The following NEK5 variants were observed in gnomAD, a reference collection of about 807,000 sequenced individuals.
NEK5 encodes the protein NIMA related kinase 5.
NEK5 carries 88 observed loss-of-function variants against 109.2 expected under a neutral mutation model. That is an observed-to-expected ratio of 0.81 (90% CI 0.68 to 0.96). The LOEUF (loss-of-function observed/expected upper bound fraction) is 0.96, where lower values mean the gene tolerates loss of function less well. Among genes scored for constraint, NEK5 ranks in the 40% least tolerant of loss-of-function variants. The pLI, the probability that NEK5 is intolerant of heterozygous loss-of-function variation, is 0.00. For missense variants in NEK5, 834 were observed against 920.7 expected (o/e 0.91, Z 1.22); for synonymous variants, 283 against 299.9 (o/e 0.94, Z 0.58).
At chr13:52,082,176 G>A (rs750901012) in intron 17 of NEK5, 70 of 253,058 alleles carry the variant, frequency 2.8e-4, no homozygotes, top group Non-Finnish European at 5.2e-4. Context: ...TTAGCTGGGC[G>A]CGGTGGCAGG....
rs1956091747 is a variant in NEK5 at position 52,127,632 on chromosome 13, G to C, written c.-60C>G. The C allele has an allele frequency of 1.7e-6, 1 of 594,762 alleles. No individual in the cohort carries two copies. The allele number at this position is 594,762 out of a possible 1,614,324, so 36.8% of individuals were successfully genotyped here. ...TTCCTCCCAGCCTTGCCAAGACAGA[G>C]ACAAATAACTTTCTTTGTGGCCACA... is the stretch of plus-strand genomic sequence containing the variant. On this transcript the variant is annotated 5_prime_UTR_variant, in exon 2 of 24. Coordinates refer to ENST00000684899, the MANE Select transcript of NEK5 (RefSeq NM_001365552.1).
intron 23 of NEK5, among the ~76,000 whole-genome samples, chr13:52,046,009 T>C (rs886275490): frequency 6.9e-6 from 1 of 145,104 alleles, no homozygotes; most frequent in Non-Finnish European, 1.5e-5. Flanking sequence ...AGGTGGAGGT[T>C]GCAGTGAGCC....
chr13:52,048,720 G>A (rs1954478806), intron 23 of NEK5, among the ~76,000 whole-genome samples: 3 of 152,196 alleles, frequency 2.0e-5, no homozygotes, highest in South Asian at 2.1e-4. Flanking sequence ...AAATAAGCCA[G>A]ACACAGAAAG....
intron 22 of NEK5, among the ~76,000 whole-genome samples, chr13:52,058,145 T>C (rs1217117953): frequency 7.0e-6 from 1 of 142,394 alleles, no homozygotes; most frequent in Admixed American, 7.2e-5. Context: ...ACAAGCATTC[T>C]TATACACCAA....
At chr13:52,054,592 C>T (rs1954536358) in intron 22 of NEK5, among the ~76,000 whole-genome samples, 1 of 152,224 alleles carries the variant, frequency 6.6e-6, no homozygotes, top group Non-Finnish European at 1.5e-5. Context: ...CAGCACGCAG[C>T]TGGAGATCTG....
chr13:52,097,927 C>T (rs1158997798), intron 12 of NEK5, among the ~76,000 whole-genome samples: 1 of 152,096 alleles, frequency 6.6e-6, no homozygotes, highest in East Asian at 1.9e-4. Flanking sequence ...GGACAGATTT[C>T]CCTCTTACTG....
intron 4 of NEK5, among the ~76,000 whole-genome samples, chr13:52,117,992 C>A (rs1955895308): frequency 6.6e-6 from 1 of 152,150 alleles, no homozygotes. Context: ...TTCCATGCAA[C>A]CCAATTCCAG....
chr13:52,116,481 T>C (rs1365292113), intron 4 of NEK5, among the ~76,000 whole-genome samples: 1 of 152,136 alleles, frequency 6.6e-6, no homozygotes, highest in East Asian at 1.9e-4. Context: ...TGAGCCATGA[T>C]CCAATTAACC....
chr13:52,123,786 G>A (rs2138139895), intron 3 of NEK5, among the ~76,000 whole-genome samples: 1 of 149,432 alleles, frequency 6.7e-6, no homozygotes, highest in Non-Finnish European at 1.5e-5. Context: ...TTACAGAGAA[G>A]GATAAATTCT....
chr13:52,125,105 T>C (rs765937029), intron 3 of NEK5, among the ~76,000 whole-genome samples: 3 of 152,196 alleles, frequency 2.0e-5, no homozygotes, highest in Non-Finnish European at 2.9e-5. Context: ...CAAGGAAGAA[T>C]CACTATTAAT....
rs747233755 is a variant in NEK5, at chr13:52,065,587, A to C, written c.1872T>G (p.Ala624=). ...CCCACTGCCTCCTGTTTCCCACAGCAGCTACAGTCTGCGTGGAAAACCCTG... is the reference window on the plus strand; with the variant it reads ...CCCACTGCCTCCTGTTTCCCACAGCCGCTACAGTCTGCGTGGAAAACCCTG... ...PEAGFSTQTV[A]AVGNRRQWDG... The change falls in exon 21 of 24, where the codon GCT becomes GCG. Residue 624 remains alanine (A), a synonymous_variant. Transcript: ENST00000684899. 4 of 1,613,668 alleles carry C rather than the reference A, an allele frequency of 2.5e-6. No homozygotes were observed. Among genetic ancestry groups the C allele is most frequent in the Middle Eastern group, 1.7e-4 (1 of 6,046 alleles).
At position 52,127,535 on chromosome 13, in the gene NEK5, C is replaced by T. The variant is rs938907492; in HGVS notation, c.-22-31G>A. On this transcript the variant is annotated intron_variant, in intron 2 of 23. Transcript: ENST00000684899. ...ATTAGAGTAATGTAAATTTATCACA[C>T]ACGTCTCATAAAGACTAACAAAGTC... 1.7e-5 allele frequency: 17 copies of T among 976,242 alleles called. No homozygotes were observed. The African/African-American group carries it at 2.7e-4, about 16-fold the overall frequency. The allele number at this position is 976,242 out of a possible 1,614,324, so 60.5% of individuals were successfully genotyped here. A position where few individuals can be genotyped will look rare whatever the true frequency, so the allele number is the denominator to read the frequency against.
chr13:52,101,010 C>CT (rs769180637), intron 11 of NEK5, among the ~76,000 whole-genome samples: 16 of 152,194 alleles, frequency 1.1e-4, no homozygotes, highest in Non-Finnish European at 1.8e-4. Context: ...GGGGCTTTGA[C>CT]TTTCACAGCA....
At chr13:52,088,964 G>A (rs1289097166) in intron 14 of NEK5, among the ~76,000 whole-genome samples, 5 of 151,884 alleles carry the variant, frequency 3.3e-5, no homozygotes, top group African/African-American at 4.8e-5. Context: ...GGTGGTGGGC[G>A]CCTGTAATCC....
Position 52,083,339 on chromosome 13 carries a change from AT to A in NEK5, c.1492del (p.Ile498Ter). On this transcript the variant is annotated frameshift_variant, in exon 17 of 24. Transcript: ENST00000684899. LOFTEE classifies it high-confidence loss of function. ...CTTCACCAAATAGGTTTTATGACTTATTTTTGAGTTCTCCTTTAACACAAAT... is the reference window on the plus strand; with the variant it reads ...CTTCACCAAATAGGTTTTATGACTTATTTTGAGTTCTCCTTTAACACAAAT... ...MGREPEENSK[I>X]SHKTYLVKKS... is the part of the protein sequence containing the mutation. 6.2e-7 allele frequency: 1 copy of A among 1,608,886 alleles called. No homozygotes were observed. Among genetic ancestry groups the A allele is most frequent in the Non-Finnish European group, 8.5e-7 (1 of 1,175,380 alleles).
At chr13:52,089,117 C>CA (rs1054348073) in intron 14 of NEK5, 130 bp downstream of exon 14, 49 of 605,460 alleles carry the variant, frequency 8.1e-5, no homozygotes, top group East Asian at 1.8e-4. Context: ...AAAACAAAAA[C>CA]AAAAAAAACT....
intron 23 of NEK5, among the ~76,000 whole-genome samples, chr13:52,041,165 A>T (rs1159084067): frequency 6.6e-6 from 1 of 152,224 alleles, no homozygotes; most frequent in Non-Finnish European, 1.5e-5. Flanking sequence ...TCTAATGGTA[A>T]GACAGATGGC....
chr13:52,110,272 C>T, intron 7 of NEK5, 68 bp downstream of exon 7: 1 of 1,007,858 alleles, frequency 9.9e-7, no homozygotes. Context: ...CTTCTTAATC[C>T]ATGATATCTA....
At chr13:52,078,594 T>TTG (rs956558383) in intron 17 of NEK5, among the ~76,000 whole-genome samples, 12 of 150,596 alleles carry the variant, frequency 8.0e-5, no homozygotes, top group East Asian at 1.9e-4. Context: ...ATAAAACTGT[T>TTG]TTTTTTTTTA....
Sources: gnomAD v4.1 joint callset for allele counts (sites outside exome capture counted in the v4.1 genomes callset) on GRCh38, gnomAD v4.1.1 for gene constraint, MANE v1.5 for transcripts, NCBI Gene and HGNC (gene_info 2026-07-23, HGNC 2026-07-21) for gene names.